Variants in CDH13 observed in about 807,000 individuals in gnomAD.
CDH13 encodes the protein cadherin 13, also known as cadherin-13.
In CDH13, 24 loss-of-function variants were observed where a neutral mutation model predicts 63.8. The observed-to-expected ratio is 0.38, with a 90% CI of 0.27 to 0.53. The LOEUF (loss-of-function observed/expected upper bound fraction) is 0.53. CDH13 is among the 20% of genes least tolerant of loss of function. CDH13 has a pLI of 0.85. For missense variants in CDH13, 1,049 were observed against 903.1 expected, an observed-to-expected ratio of 1.16 and a Z score of -2.07; for synonymous variants, 503 against 355.3, an observed-to-expected ratio of 1.42 and a Z score of -4.67.
intron 10 of CDH13, among the ~76,000 whole-genome samples, chr16:83,737,133 G>A (rs529550856): frequency 6.6e-6 from 1 of 152,198 alleles, no homozygotes; most frequent in Non-Finnish European, 1.5e-5. Flanking sequence ...CCCACAATCA[G>A]TGGCACCTAG....
At chr16:83,177,470 A>G (rs997411511) in intron 4 of CDH13, among the ~76,000 whole-genome samples, 1 of 152,202 alleles carries the variant, frequency 6.6e-6, no homozygotes, top group African/African-American at 2.4e-5. Context: ...GCATATCCGC[A>G]AGCCAAGCTA....
intron 1 of CDH13, among the ~76,000 whole-genome samples, chr16:82,795,905 A>G (rs1007703586): frequency 4.0e-5 from 6 of 148,960 alleles, no homozygotes; most frequent in African/African-American, 5.0e-5. Flanking sequence ...CTCTGTCTCT[A>G]TTCGCTTAAC....
intron 1 of CDH13, among the ~76,000 whole-genome samples, chr16:82,703,232 A>G (rs752604854): frequency 3.4e-5 from 5 of 148,426 alleles, no homozygotes; most frequent in Admixed American, 6.7e-5. Context: ...CACACACACA[A>G]TGTTATAAGG....
intron 8 of CDH13, among the ~76,000 whole-genome samples, chr16:83,649,523 G>A (rs1044597233): frequency 6.6e-6 from 1 of 152,096 alleles, no homozygotes; most frequent in Non-Finnish European, 1.5e-5. Flanking sequence ...ACATGTTTAT[G>A]GACCTGCAAG....
At chr16:83,547,631 C>G (rs1291775733) in intron 7 of CDH13, among the ~76,000 whole-genome samples, 1 of 152,210 alleles carries the variant, frequency 6.6e-6, no homozygotes, top group African/African-American at 2.4e-5. Flanking sequence ...AGGACATGAT[C>G]TTTCTTTTTT....
At chr16:83,049,325 C>CTTTTTT (rs34082309) in intron 3 of CDH13, among the ~76,000 whole-genome samples, 12 of 126,102 alleles carry the variant, frequency 9.5e-5, no homozygotes, top group African/African-American at 3.4e-4. Flanking sequence ...TGACTGGCCT[C>CTTTTTT]TTTTTTTTTT....
chr16:82,834,163 C>T lies in CDH13; in HGVS notation c.46-24199C>T, dbSNP rs531466902. 5.3e-5 allele frequency among the ~76,000 whole-genome samples: 8 copies of T among 152,250 alleles called. No homozygotes were observed. The East Asian group carries it at 5.8e-4, about 11-fold the overall frequency. On this transcript the variant is annotated intron_variant, in intron 1 of 13. Coordinates refer to ENST00000567109, the MANE Select transcript of CDH13 (RefSeq NM_001257.5). ...TCTTGATGCACTAAAGGCAAACTACCGGACCCTGGGAGATCCATTTCTTCT... is the reference window on the plus strand; with the variant it reads ...TCTTGATGCACTAAAGGCAAACTACTGGACCCTGGGAGATCCATTTCTTCT...
intron 10 of CDH13, among the ~76,000 whole-genome samples, chr16:83,706,049 A>T (rs1906993148): frequency 6.6e-6 from 1 of 152,180 alleles, no homozygotes. Flanking sequence ...TGAGCAGGGC[A>T]CACTGGGAGC....
At position 83,030,098 on chromosome 16, in the gene CDH13, T is replaced by G. The variant is rs573607729; in HGVS notation, c.158-1912T>G. 3.9e-5 allele frequency among the ~76,000 whole-genome samples: 6 copies of G among 152,282 alleles called. No homozygotes were observed. The South Asian group carries it at 1.2e-3, about 32-fold the overall frequency. On this transcript the variant is annotated intron_variant, in intron 2 of 13. Transcript: ENST00000567109. ...ACAGCCTCTGCTTGTGTCAATGCCC[T>G]GTGCTCCATTTGTTCATGCAGGGGG...
At chr16:83,030,855 C>G (rs1916243331) in intron 2 of CDH13, among the ~76,000 whole-genome samples, 1 of 151,894 alleles carries the variant, frequency 6.6e-6, no homozygotes, top group African/African-American at 2.4e-5. Flanking sequence ...CCCTTCCCTT[C>G]TAGATCCCCA....
intron 4 of CDH13, among the ~76,000 whole-genome samples, chr16:83,202,968 G>A (rs529908797): frequency 3.9e-5 from 6 of 152,304 alleles, no homozygotes; most frequent in African/African-American, 7.2e-5. Context: ...GCTCACGCCT[G>A]TAATCCCAGT....
At chr16:83,729,643 A>T (rs1910820196) in intron 10 of CDH13, among the ~76,000 whole-genome samples, 1 of 152,198 alleles carries the variant, frequency 6.6e-6, no homozygotes, top group South Asian at 2.1e-4. Context: ...CTTCATCTAT[A>T]TAATGGGTCA....
chr16:83,022,842 A>G (rs549286530), intron 2 of CDH13, among the ~76,000 whole-genome samples: 7 of 152,354 alleles, frequency 4.6e-5, no homozygotes, highest in African/African-American at 1.7e-4. Flanking sequence ...TGTATAAATC[A>G]CAGATTGGCC....
chr16:82,986,054 C>A (rs537337777), intron 2 of CDH13, among the ~76,000 whole-genome samples: 2 of 152,286 alleles, frequency 1.3e-5, no homozygotes, highest in East Asian at 1.9e-4. Flanking sequence ...TTTAAACTAC[C>A]CTGTCTCACG....
chr16:82,884,404 G>A (rs1176147472), intron 2 of CDH13: 1 of 338,472 alleles, frequency 3.0e-6, no homozygotes, highest in Non-Finnish European at 5.8e-6. Context: ...GACTCCTTCT[G>A]TTGTCTGTTG....
At chr16:83,690,098 G>A (rs963174541) in intron 10 of CDH13, among the ~76,000 whole-genome samples, 6 of 152,106 alleles carry the variant, frequency 3.9e-5, no homozygotes, top group Non-Finnish European at 7.3e-5. Context: ...ACTTGAACCC[G>A]GGAGGCGGAG....
intron 5 of CDH13, among the ~76,000 whole-genome samples, chr16:83,230,164 T>C (rs1057503330): frequency 2.6e-5 from 4 of 152,198 alleles, no homozygotes; most frequent in African/African-American, 9.7e-5. Flanking sequence ...GCATTTTCTA[T>C]TCCTTTCGAG....
At chr16:82,801,365 C>T (rs894470135) in intron 1 of CDH13, among the ~76,000 whole-genome samples, 1 of 152,206 alleles carries the variant, frequency 6.6e-6, no homozygotes, top group South Asian at 2.1e-4. Flanking sequence ...GGACCTCTAG[C>T]TTCTGTGGAT....
intron 4 of CDH13, among the ~76,000 whole-genome samples, chr16:83,166,890 C>G (rs1422307962): frequency 6.6e-6 from 1 of 152,080 alleles, no homozygotes; most frequent in Non-Finnish European, 1.5e-5. Context: ...GCAAATCTCC[C>G]AAATGTTTCA....
Sources: allele counts gnomAD v4.1 joint callset (sites outside exome capture counted in the v4.1 genomes callset), GRCh38; gene constraint gnomAD v4.1.1; transcripts MANE v1.5; gene names NCBI Gene and HGNC (gene_info 2026-07-23, HGNC 2026-07-21).